Variants in CAMTA1 observed in about 807,000 individuals in gnomAD.
The protein encoded by CAMTA1 is calmodulin-binding transcription activator 1.
In CAMTA1, 27 loss-of-function variants were observed where a neutral mutation model predicts 170.9. The observed-to-expected ratio is 0.16, with a 90% CI of 0.12 to 0.22. The LOEUF (loss-of-function observed/expected upper bound fraction) is 0.22. Among genes scored for constraint, CAMTA1 ranks in the 10% least tolerant of loss-of-function variants. The probability of loss-of-function intolerance (pLI) is 1.00; values close to 1 mark genes in which losing one functional copy is unlikely to be tolerated. For synonymous variants in CAMTA1, 833 were observed against 891.5 expected, an observed-to-expected ratio of 0.93 and a Z score of 1.17; for missense variants, 1,619 against 2,217.2, an observed-to-expected ratio of 0.73 and a Z score of 5.42.
chr1:7,016,887 T>C (rs1353016832), intron 3 of CAMTA1, among the ~76,000 whole-genome samples: 1 of 152,146 alleles, frequency 6.6e-6, no homozygotes, highest in Non-Finnish European at 1.5e-5. Context: ...CTCTCTGTAT[T>C]CTGTTAGTAG....
intron 5 of CAMTA1, among the ~76,000 whole-genome samples, chr1:7,339,103 A>G (rs776090770): frequency 6.6e-6 from 1 of 152,186 alleles, no homozygotes; most frequent in Non-Finnish European, 1.5e-5. Context: ...CCCTCTTCCA[A>G]CATTGGGGAT....
At chr1:7,363,250 CTT>C (rs2085695671) in intron 5 of CAMTA1, among the ~76,000 whole-genome samples, 2 of 152,304 alleles carry the variant, frequency 1.3e-5, no homozygotes, top group Admixed American at 1.3e-4. Context: ...ATTAATATCT[CTT>C]TTAATGTTCA....
intron 5 of CAMTA1, chr1:7,388,088 C>T (rs536656173): frequency 6.6e-5 from 10 of 152,188 alleles, no homozygotes; most frequent in African/African-American, 2.4e-4. Context: ...TGTCACTAGC[C>T]TTGGGTGGAT....
chr1:7,490,285 G>A (rs1193232), intron 6 of CAMTA1, among the ~76,000 whole-genome samples: 64,076 of 152,074 alleles, frequency 0.42, 13,787 homozygotes, highest in Middle Eastern at 0.54. Context: ...AGGAATGTGC[G>A]GTCACTGCCG....
chr1:7,511,380 G>A lies in CAMTA1; in HGVS notation c.510+43479G>A, dbSNP rs755530793. 3.5e-5 allele frequency among the ~76,000 whole-genome samples: 4 copies of A among 113,612 alleles called. 1 individual carries two copies. Among genetic ancestry groups the A allele is most frequent in the Admixed American group, 2.6e-4 (3 of 11,582 alleles). The allele number at this position is 113,612 out of a possible 152,430, so 74.5% of individuals were successfully genotyped here. ...AAGTGTTATGAGAAAAAGAAATAAT[G>A]AATGTAAATCACTTGGCATCTTTGT... On this transcript the variant is annotated intron_variant, in intron 6 of 22. Coordinates refer to ENST00000303635, the MANE Select transcript of CAMTA1 (RefSeq NM_015215.4).
At chr1:7,086,613 G>C (rs1029146240) in intron 3 of CAMTA1, among the ~76,000 whole-genome samples, 2 of 152,092 alleles carry the variant, frequency 1.3e-5, no homozygotes, top group African/African-American at 4.8e-5. Flanking sequence ...TCTCCATGCT[G>C]TCTCTATGAA....
intron 4 of CAMTA1, among the ~76,000 whole-genome samples, chr1:7,101,346 G>C (rs940275014): frequency 3.9e-5 from 6 of 152,204 alleles, no homozygotes; most frequent in Admixed American, 2.0e-4. Context: ...GGCATTATGA[G>C]ATAGGAAGGC....
At chr1:6,809,995 C>G (rs188905905) in intron 1 of CAMTA1, among the ~76,000 whole-genome samples, 2 of 152,104 alleles carry the variant, frequency 1.3e-5, no homozygotes, top group African/African-American at 2.4e-5. Flanking sequence ...AATGATTGAT[C>G]CAGTCCAAGA....
intron 4 of CAMTA1, among the ~76,000 whole-genome samples, chr1:7,134,508 A>C (rs1238487149): frequency 6.6e-6 from 1 of 152,008 alleles, no homozygotes; most frequent in African/African-American, 2.4e-5. Flanking sequence ...AGGTCTCACT[A>C]TGTTGTCCAG....
chr1:7,663,771 C>T lies in CAMTA1; in HGVS notation c.1224C>T (p.Ala408=), dbSNP rs374460842. The change falls in exon 9 of 23, where the codon GCC becomes GCT. Residue 408 remains alanine, a synonymous_variant. Coordinates refer to ENST00000303635, the MANE Select transcript of CAMTA1 (RefSeq NM_015215.4). ...TVFMSEVTNE[A]VYTMSPTAGP... is the part of the protein sequence containing the mutation. ...TCATGTCAGAGGTCACCAATGAGGC[C>T]GTGTACACCATGTCCCCCACCGCTG... 1.7e-4 allele frequency: 279 copies of T among 1,614,074 alleles called. 3 individuals carry two copies. The South Asian group carries it at 2.4e-3, about 14-fold the overall frequency.
At chr1:6,907,094 T>C (rs536688398) in intron 3 of CAMTA1, among the ~76,000 whole-genome samples, 2 of 152,336 alleles carry the variant, frequency 1.3e-5, no homozygotes, top group East Asian at 1.9e-4. Flanking sequence ...TATTTAAATA[T>C]ATGTGATTTG....
chr1:6,941,450 G>C (rs946974690), intron 3 of CAMTA1, among the ~76,000 whole-genome samples: 36 of 152,204 alleles, frequency 2.4e-4, no homozygotes, highest in Admixed American at 2.4e-3. Flanking sequence ...GACCGGGAGA[G>C]TGTGGGGACT....
chr1:6,873,759 T>C (rs1669056901), intron 3 of CAMTA1, among the ~76,000 whole-genome samples: 1 of 152,274 alleles, frequency 6.6e-6, no homozygotes, highest in African/African-American at 2.4e-5. Context: ...GACACATTTA[T>C]GGCTTATTTC....
chr1:7,328,764 T>C (rs879202166), intron 5 of CAMTA1, among the ~76,000 whole-genome samples: 13 of 152,224 alleles, frequency 8.5e-5, no homozygotes, highest in African/African-American at 2.9e-4. Context: ...TTGTATTTTT[T>C]ATCTCTAGAA....
At chr1:7,737,904 G>C (rs1020934398) in intron 15 of CAMTA1, 55 bp from the exon 16 acceptor site, 13 of 1,514,056 alleles carry the variant, frequency 8.6e-6, no homozygotes, top group Non-Finnish European at 1.2e-5. Flanking sequence ...GTTGATTCTT[G>C]AGGATTCCTA....
Position 7,588,054 on chromosome 1 carries a change from G to A in CAMTA1, c.511-52346G>A, listed in dbSNP as rs369979750. Among the ~76,000 whole-genome samples, 19 of 152,256 alleles carry A rather than the reference G, an allele frequency of 1.2e-4. No individual in the cohort carries two copies. In the East Asian group the frequency reaches 2.1e-3, roughly 17 times the overall value. ...TCAAGTGCGTGTGGCAGCCTCCACC[G>A]TGCAGGTGGGCACTGGGCTGGCCTG... is the stretch of plus-strand genomic sequence containing the variant. On this transcript the variant is annotated intron_variant, in intron 6 of 22. Coordinates refer to ENST00000303635, the MANE Select transcript of CAMTA1 (RefSeq NM_015215.4). The surrounding 1 kb of genome is among the most constrained non-coding windows in gnomAD (Gnocchi z 5.8).
At chr1:7,204,008 T>C (rs1186361395) in intron 4 of CAMTA1, among the ~76,000 whole-genome samples, 3 of 151,668 alleles carry the variant, frequency 2.0e-5, no homozygotes, top group Non-Finnish European at 4.4e-5. Context: ...ATTTTTTTTT[T>C]TGGTATTTTT....
At position 7,093,623 on chromosome 1, in the gene CAMTA1, C is replaced by T. The variant is rs888063763; in HGVS notation, c.302+2252C>T. ...ACATTTCAAGGCAGCGGTTTTACCT[C>T]GAGTTTCAGCCTTTGGAATTTGGGT... On this transcript the variant is annotated intron_variant, in intron 4 of 22. Coordinates refer to ENST00000303635, the MANE Select transcript of CAMTA1 (RefSeq NM_015215.4). The surrounding 1 kb of genome is among the most constrained non-coding windows in gnomAD (Gnocchi z 4.6). Among the ~76,000 whole-genome samples the T allele has an allele frequency of 3.3e-5, 5 of 152,088 alleles. No homozygotes were observed. The highest frequency in any genetic ancestry group is 7.4e-5 in the Non-Finnish European group (5 of 68,016).
intron 4 of CAMTA1, among the ~76,000 whole-genome samples, chr1:7,105,043 C>T (rs559351648): frequency 8.5e-5 from 13 of 152,290 alleles, no homozygotes; most frequent in African/African-American, 2.2e-4. Context: ...TCTCTAGTTA[C>T]GCCATTTCTC....
Sources: gnomAD v4.1 joint callset for allele counts (sites outside exome capture counted in the v4.1 genomes callset) on GRCh38, gnomAD v4.1.1 for gene constraint, Gnocchi (gnomAD v3.1) non-coding constraint, MANE v1.5 for transcripts, NCBI Gene and HGNC (gene_info 2026-07-23, HGNC 2026-07-21) for gene names.